The following HEY1 variants were observed in gnomAD, a reference collection of about 807,000 sequenced individuals.
HEY1 encodes hes related family bHLH transcription factor with YRPW motif 1.
In HEY1, 9 loss-of-function variants were observed where a neutral mutation model predicts 28.7. The observed-to-expected ratio is 0.31, with a 90% CI of 0.19 to 0.55. The LOEUF (loss-of-function observed/expected upper bound fraction) is 0.55. Among genes scored for constraint, HEY1 ranks in the 20% least tolerant of loss-of-function variants. The probability of loss-of-function intolerance (pLI) is 0.93; values close to 1 mark genes in which losing one functional copy is unlikely to be tolerated. For missense variants in HEY1, 385 were observed against 399.4 expected (o/e 0.96, Z 0.31); for synonymous variants, 213 against 175.6 (o/e 1.21, Z -1.68).
Position 79,765,388 on chromosome 8 carries a change from G to A in HEY1, c.715C>T (p.Pro239Ser), listed in dbSNP as rs907363690. Reference sequence around the variant, plus strand: ...GCGGAGGTGACCACAGGGAGCACCGGTCCGAGGCTGCCGCTAGGGGGCGCT... The same window carrying A: ...GCGGAGGTGACCACAGGGAGCACCGATCCGAGGCTGCCGCTAGGGGGCGCT... ...LRAPPSGSLG[P>S]VLPVVTSASK... The change falls in exon 5 of 5, where the codon CCG (proline) becomes TCG (serine). Residue 239 changes from proline to serine, a missense_variant. Pro to Ser is a moderately conservative substitution (Grantham distance 74). This residue lies in a region of HEY1 where 223 missense variants were observed against 215.9 expected (regional missense o/e 1.03). Coordinates refer to ENST00000354724, the MANE Select transcript of HEY1 (RefSeq NM_012258.4). 5.6e-6 allele frequency: 9 copies of A among 1,601,284 alleles called. No individual in the cohort carries two copies. In the Middle Eastern group the frequency reaches 5.0e-4, roughly 90 times the overall value.
Position 79,765,699 on chromosome 8 carries a change from G to C in HEY1, c.404C>G (p.Ala135Gly), listed in dbSNP as rs201298116. Reference protein sequence around the residue: ...LGFRECLAEVARYLSIIEGLD... With the variant: ...LGFRECLAEVGRYLSIIEGLD... ...TCCTTCAATGATGCTCAGATAACGC[G>C]CAACTTCTGCCAGGCATTCCCGAAA... Residue 135 changes from alanine (A) to glycine (G), a missense_variant, in exon 5 of 5, where the codon GCG becomes GGG. By Grantham distance (60) the Ala-to-Gly change is moderately conservative. Coordinates refer to ENST00000354724, the MANE Select transcript of HEY1 (RefSeq NM_012258.4). 3 of 1,614,202 alleles carry C rather than the reference G, an allele frequency of 1.9e-6. No homozygotes were observed. The highest frequency in any genetic ancestry group is 2.7e-5 in the African/African-American group (2 of 75,066).
Position 79,765,304 on chromosome 8 carries a change from A to G in HEY1, c.799T>C (p.Ser267Pro). The G allele has an allele frequency of 1.3e-6, 2 of 1,559,668 alleles. No homozygotes were observed. The highest frequency in any genetic ancestry group is 1.7e-6 in the Non-Finnish European group (2 of 1,150,852). Residue 267 changes from serine (S) to proline (P), a missense_variant, in exon 5 of 5, where the codon TCT becomes CCT. By Grantham distance (74) the Ser-to-Pro change is moderately conservative. This residue lies in a region of HEY1 where 223 missense variants were observed against 215.9 expected (regional missense o/e 1.03). Transcript: ENST00000354724. The part of the protein sequence containing the change: ...SVASLSAFPF[S>P]FGSFHLLSPN... ...GACAGTAAGTGGAAGGAGCCGAAAG[A>G]GAAGGGGAAGGCCGACAGGGAGGCC... is the stretch of plus-strand genomic sequence containing the variant.
rs771202041 is a variant in HEY1, at chr8:79,765,575, T to C, written c.528A>G (p.Gly176=). 2.6e-5 allele frequency: 42 copies of C among 1,614,156 alleles called. No individual in the cohort carries two copies. The South Asian group carries it at 3.5e-4, about 14-fold the overall frequency. Residue 176 remains glycine, a synonymous_variant, in exon 5 of 5, where the codon GGA becomes GGG. Coordinates refer to ENST00000354724, the MANE Select transcript of HEY1 (RefSeq NM_012258.4). ...EAASGAHAGL[G]HIPWGTVFGH... is the part of the protein sequence containing the mutation. Reference sequence around the variant, plus strand: ...CGAAGACGGTCCCCCAGGGAATGTGTCCGAGGCCCGCGTGGGCGCCGCTCG... The same window carrying C: ...CGAAGACGGTCCCCCAGGGAATGTGCCCGAGGCCCGCGTGGGCGCCGCTCG...
At position 79,765,517 on chromosome 8, in the gene HEY1, G is replaced by T; in HGVS notation, c.586C>A (p.Leu196Met). The stretch of plus-strand genomic sequence containing the variant: ...GCGTTCCCGTGGCCGTTCTGGGGCA[G>T]CAACAGCGGGTGCGCGATGTGCGGG... Reference protein sequence around the residue: ...HHPHIAHPLLLPQNGHGNAGT... With the variant: ...HHPHIAHPLLMPQNGHGNAGT... The change falls in exon 5 of 5, where the codon CTG (leucine) becomes ATG (methionine). Residue 196 changes from leucine to methionine, a missense_variant. This residue lies in a region of HEY1 where 223 missense variants were observed against 215.9 expected (regional missense o/e 1.03). Coordinates refer to ENST00000354724, the MANE Select transcript of HEY1 (RefSeq NM_012258.4). 1 of 1,613,774 alleles carries T rather than the reference G, an allele frequency of 6.2e-7. No homozygotes were observed. The highest frequency in any genetic ancestry group is 1.1e-5 in the South Asian group (1 of 91,086).
chr8:79,766,139 C>A (rs1807827636), intron 4 of HEY1: 1 of 1,207,796 alleles, frequency 8.3e-7, no homozygotes. Flanking sequence ...GTTATCATCG[C>A]GGAGCTTTTA....
chr8:79,766,172 AT>A, intron 4 of HEY1: 1 of 1,502,538 alleles, frequency 6.7e-7, no homozygotes. Context: ...TCAGTAAAGC[AT>A]TTTCCTGCTG....
At chr8:79,766,431 G>A in intron 4 of HEY1, 1 of 1,463,378 alleles carries the variant, frequency 6.8e-7, no homozygotes. Flanking sequence ...TTTTCCAAAA[G>A]ATGCACTAGC....
intron 3 of HEY1, 74 bp from the exon 4 acceptor site, chr8:79,766,806 T>A: frequency 6.8e-7 from 1 of 1,473,080 alleles, no homozygotes; most frequent in Non-Finnish European, 9.5e-7. Context: ...TGCAAACATA[T>A]ATACAAAGAT....
rs1807789800 is a variant in HEY1 at position 79,764,969 on chromosome 8, T to A, written c.*219A>T. 1 of 446,400 alleles carries A rather than the reference T, an allele frequency of 2.2e-6. No individual in the cohort carries two copies. Among genetic ancestry groups the A allele is most frequent in the African/African-American group, 2.0e-5 (1 of 49,808 alleles). 27.7% of individuals were successfully genotyped at this position (446,400 alleles called of 1,614,324 possible). A position where few individuals can be genotyped will look rare whatever the true frequency, so the allele number is the denominator to read the frequency against. On this transcript the variant is annotated 3_prime_UTR_variant, in exon 5 of 5. Coordinates refer to ENST00000354724, the MANE Select transcript of HEY1 (RefSeq NM_012258.4). The stretch of plus-strand genomic sequence containing the variant: ...TCAATTTAATGTCTTGAACAAAATT[T>A]AACAACTAGTTTTTAAAAACTGCTA...
chr8:79,766,906 C>A, intron 3 of HEY1, 103 bp downstream of exon 3: 2 of 1,231,724 alleles, frequency 1.6e-6, no homozygotes, highest in Admixed American at 1.8e-5. Flanking sequence ...TTCATCTAGG[C>A]ACAAGCAACA....
intron 2 of HEY1, 57 bp downstream of exon 2, chr8:79,767,159 AAAG>A: frequency 6.3e-7 from 1 of 1,587,294 alleles, no homozygotes; most frequent in South Asian, 1.1e-5. Context: ...AGACAAAAAA[AAAG>A]GTGGTTATTT....
chr8:79,767,328 A>G (rs781514777), intron 1 of HEY1, 34 bp from the exon 2 acceptor site: 3 of 1,577,978 alleles, frequency 1.9e-6, no homozygotes, highest in Admixed American at 3.4e-5. Flanking sequence ...AAAAACTGAA[A>G]TCGCCGTTAA....
intron 4 of HEY1, chr8:79,766,373 T>C: frequency 6.8e-7 from 1 of 1,467,586 alleles, no homozygotes; most frequent in Non-Finnish European, 8.9e-7. Context: ...CTACCTGATC[T>C]GAATCAGGGC....
At position 79,765,014 on chromosome 8, in the gene HEY1, A is replaced by C. The variant is rs1206864630; in HGVS notation, c.*174T>G. On this transcript the variant is annotated 3_prime_UTR_variant, in exon 5 of 5. Coordinates refer to ENST00000354724, the MANE Select transcript of HEY1 (RefSeq NM_012258.4). ...CTGCTAATACATGACATGATGAAAA[A>C]AACATTAAAAAAGATAAAAGTAAAC... 13 of 532,590 alleles carry C rather than the reference A, an allele frequency of 2.4e-5. No homozygotes were observed. In the East Asian group the frequency reaches 4.0e-4, roughly 16 times the overall value. 33.0% of individuals were successfully genotyped at this position (532,590 alleles called of 1,614,324 possible).
chr8:79,764,513 G>C lies in HEY1; in HGVS notation c.*675C>G, dbSNP rs1807779599. ...TCTCCTAACTAAATCAGAACTGCCA[G>C]TCCTGGCAGATACCAGCAGCTGGTC... On this transcript the variant is annotated 3_prime_UTR_variant, in exon 5 of 5. Transcript: ENST00000354724. The C allele has an allele frequency of 4.4e-6, 1 of 227,726 alleles. No homozygotes were observed. The allele number at this position is 227,726 out of a possible 1,614,324, so 14.1% of individuals were successfully genotyped here. A position where few individuals can be genotyped will look rare whatever the true frequency, so the allele number is the denominator to read the frequency against.
At position 79,765,392 on chromosome 8, in the gene HEY1, G is replaced by A. The variant is rs1002964400; in HGVS notation, c.711C>T (p.Leu237=). The A allele has an allele frequency of 1.2e-6, 2 of 1,603,846 alleles. No homozygotes were observed. The highest frequency in any genetic ancestry group is 1.7e-5 in the Admixed American group (1 of 58,032). The change falls in exon 5 of 5, where the codon CTC becomes CTT. Residue 237 remains leucine, a synonymous_variant. Coordinates refer to ENST00000354724, the MANE Select transcript of HEY1 (RefSeq NM_012258.4). ...AGGTGACCACAGGGAGCACCGGTCC[G>A]AGGCTGCCGCTAGGGGGCGCTCGCA... ...PALRAPPSGS[L]GPVLPVVTSA... is the part of the protein sequence containing the mutation.
Position 79,765,627 on chromosome 8 carries a change from T to C in HEY1, c.476A>G (p.Asn159Ser), listed in dbSNP as rs1297186243. 2 of 1,614,112 alleles carry C rather than the reference T, an allele frequency of 1.2e-6. No homozygotes were observed. The highest frequency in any genetic ancestry group is 2.2e-5 in the East Asian group (1 of 44,902). Reference protein sequence around the residue: ...PLRVRLVSHLNNYASQREAAS... With the variant: ...PLRVRLVSHLSNYASQREAAS... ...GGCTTCCCGCTGGGAAGCGTAGTTG[T>C]TGAGATGCGAAACCAGTCGAACTCG... The change falls in exon 5 of 5, where the codon AAC becomes AGC. Residue 159 changes from asparagine (N) to serine (S), a missense_variant. Transcript: ENST00000354724.
chr8:79,765,287 G>A lies in HEY1; in HGVS notation c.816C>T (p.His272=), dbSNP rs933123959. Residue 272 remains histidine, a synonymous_variant, in exon 5 of 5, where the codon CAC becomes CAT. Coordinates refer to ENST00000354724, the MANE Select transcript of HEY1 (RefSeq NM_012258.4). ...GGCTCAGTGCATTGGGAGACAGTAAGTGGAAGGAGCCGAAAGAGAAGGGGA... is the reference window on the plus strand; with the variant it reads ...GGCTCAGTGCATTGGGAGACAGTAAATGGAAGGAGCCGAAAGAGAAGGGGA... ...SAFPFSFGSF[H]LLSPNALSPS... is the part of the protein sequence containing the mutation. 3.2e-6 allele frequency: 5 copies of A among 1,556,340 alleles called. No individual in the cohort carries two copies. The African/African-American group carries it at 4.1e-5, about 13-fold the overall frequency.
Position 79,765,337 on chromosome 8 carries a change from A to G in HEY1, c.766T>C (p.Ser256Pro), listed in dbSNP as rs1342174777. ...AAGGCCGACAGGGAGGCCACTGAGGAGAGCAGAGGCGGCGACAGTTTGGAG... is the reference window on the plus strand; with the variant it reads ...AAGGCCGACAGGGAGGCCACTGAGGGGAGCAGAGGCGGCGACAGTTTGGAG... ...SASKLSPPLL[S>P]SVASLSAFPF... The change falls in exon 5 of 5, where the codon TCC becomes CCC. Residue 256 changes from serine (S) to proline (P), a missense_variant. Ser to Pro is a moderately conservative substitution (Grantham distance 74). This residue lies in a region of HEY1 where 223 missense variants were observed against 215.9 expected (regional missense o/e 1.03). Coordinates refer to ENST00000354724, the MANE Select transcript of HEY1 (RefSeq NM_012258.4). 3 of 1,573,282 alleles carry G rather than the reference A, an allele frequency of 1.9e-6. No individual in the cohort carries two copies. The highest frequency in any genetic ancestry group is 2.7e-5 in the African/African-American group (2 of 74,378).
Sources: gnomAD v4.1 joint callset for allele counts on GRCh38, gnomAD v4.1.1 for gene constraint, gnomAD v4.1.1 regional missense constraint, MANE v1.5 for transcripts, NCBI Gene and HGNC (gene_info 2026-07-23, HGNC 2026-07-21) for gene names.